Variants in CDH12 observed in about 807,000 individuals in gnomAD.
The protein encoded by CDH12 is cadherin-12.
CDH12 carries 41 observed loss-of-function variants against 74.1 expected under a neutral mutation model. The observed-to-expected ratio is 0.55, with a 90% CI of 0.43 to 0.72. The LOEUF is 0.72. CDH12 is among the 30% of genes least tolerant of loss of function. The pLI is 0.00. For synonymous variants in CDH12, 399 were observed against 355.0 expected, an observed-to-expected ratio of 1.12 and a Z score of -1.39; for missense variants, 945 against 977.2, an observed-to-expected ratio of 0.97 and a Z score of 0.44.
intron 1 of CDH12, among the ~76,000 whole-genome samples, chr5:22,529,520 G>T (rs1737488913): frequency 6.6e-6 from 1 of 152,118 alleles, no homozygotes. Flanking sequence ...GGGAGAGTCA[G>T]CCTTTTGGTT....
intron 2 of CDH12, among the ~76,000 whole-genome samples, chr5:22,482,324 C>T (rs1222253526): frequency 2.0e-5 from 3 of 152,074 alleles, no homozygotes; most frequent in Non-Finnish European, 4.4e-5. Flanking sequence ...TATAAAGGAC[C>T]TCACAGCATG....
At chr5:22,466,289 T>G (rs1429215312) in intron 2 of CDH12, among the ~76,000 whole-genome samples, 18 of 152,216 alleles carry the variant, frequency 1.2e-4, no homozygotes, top group Admixed American at 1.2e-3. Flanking sequence ...TGTTTGTTTG[T>G]TTTTTGTTTG....
intron 3 of CDH12, among the ~76,000 whole-genome samples, chr5:22,310,539 TA>T (rs1227439560): frequency 6.6e-6 from 1 of 152,052 alleles, no homozygotes; most frequent in Non-Finnish European, 1.5e-5. Context: ...CCAAAACTCT[TA>T]TATCTAATTT....
chr5:21,804,646 ACACAC>A lies in CDH12; in HGVS notation c.1003-2231_1003-2227del, dbSNP rs1747330522. On this transcript the variant is annotated intron_variant, in intron 9 of 14. Transcript: ENST00000382254. ...AAATCATTCTATAGTGAATTAAAAC[ACACAC>A]ACACACACACACACACACACACACA... 7.4e-3 allele frequency among the ~76,000 whole-genome samples: 675 copies of A among 91,372 alleles called. 9 individuals carry two copies. The highest frequency in any genetic ancestry group is 0.054 in the East Asian group (131 of 2,406). 59.9% of individuals were successfully genotyped at this position (91,372 alleles called of 152,430 possible).
In CDH12 at chr5:22,173,248, T is replaced by C. The variant is rs1749137670; in HGVS notation, c.-187+39250A>G. ...ATATATATGATTTGTTATATAATTATATAATTTATATAATTTAAATTTTAT... is the reference window on the plus strand; with the variant it reads ...ATATATATGATTTGTTATATAATTACATAATTTATATAATTTAAATTTTAT... On this transcript the variant is annotated intron_variant, in intron 4 of 14. Coordinates refer to ENST00000382254, the MANE Select transcript of CDH12 (RefSeq NM_004061.5). Among the ~76,000 whole-genome samples, 4 of 147,070 alleles carry C rather than the reference T, an allele frequency of 2.7e-5. No individual in the cohort carries two copies. In the South Asian group the frequency reaches 8.3e-4, roughly 31 times the overall value.
At chr5:21,854,474 G>A (rs958581963) in intron 7 of CDH12, among the ~76,000 whole-genome samples, 197 bp downstream of exon 7, 1 of 151,742 alleles carries the variant, frequency 6.6e-6, no homozygotes, top group Non-Finnish European at 1.5e-5. Flanking sequence ...TATGTTAAAA[G>A]GTTTATTTTA....
At chr5:21,752,835 G>T (rs1744176402) in intron 14 of CDH12, among the ~76,000 whole-genome samples, 1 of 151,802 alleles carries the variant, frequency 6.6e-6, no homozygotes, top group Admixed American at 6.6e-5. Flanking sequence ...AAGGAAGGAA[G>T]GAAGATGTTA....
chr5:22,299,766 C>T (rs912974217), intron 3 of CDH12, among the ~76,000 whole-genome samples: 1 of 151,960 alleles, frequency 6.6e-6, no homozygotes, highest in Non-Finnish European at 1.5e-5. Flanking sequence ...GTCAATTTGT[C>T]TTTTGTTGTT....
intron 1 of CDH12, among the ~76,000 whole-genome samples, chr5:22,669,635 G>A (rs1229475141): frequency 6.6e-6 from 1 of 152,158 alleles, no homozygotes; most frequent in Non-Finnish European, 1.5e-5. Flanking sequence ...TTTGTCATTT[G>A]TCCCTTGTAT....
intron 11 of CDH12, chr5:21,774,370 A>G (rs1340342628): frequency 6.6e-6 from 1 of 152,142 alleles, no homozygotes; most frequent in African/African-American, 2.4e-5. Flanking sequence ...CCAGTGATTT[A>G]CCAGGGACTC....
At chr5:22,819,595 T>C (rs1379146280) in intron 1 of CDH12, among the ~76,000 whole-genome samples, 2 of 151,820 alleles carry the variant, frequency 1.3e-5, no homozygotes, top group African/African-American at 4.8e-5. Context: ...TGTTGAAAGA[T>C]ATACAAGATC....
rs557950644 is a variant in CDH12, at chr5:22,009,129, C to T, written c.232-33744G>A. ...TGTACTTCTAATGCCATCAAGAGAACATGATGCAAGAAGCTGAGGCGACTA... is the reference window on the plus strand; with the variant it reads ...TGTACTTCTAATGCCATCAAGAGAATATGATGCAAGAAGCTGAGGCGACTA... On this transcript the variant is annotated intron_variant, in intron 5 of 14. Transcript: ENST00000382254. Among the ~76,000 whole-genome samples the T allele has an allele frequency of 8.5e-5, 13 of 152,312 alleles. No homozygotes were observed. In the South Asian group the frequency reaches 2.3e-3, roughly 27 times the overall value.
At chr5:22,693,291 T>C (rs1401591731) in intron 1 of CDH12, among the ~76,000 whole-genome samples, 2 of 152,216 alleles carry the variant, frequency 1.3e-5, no homozygotes, top group Non-Finnish European at 2.9e-5. Context: ...GCAAGCCATA[T>C]GCAGTGCTAA....
intron 10 of CDH12, among the ~76,000 whole-genome samples, chr5:21,786,304 C>T (rs959455025): frequency 6.6e-6 from 1 of 152,140 alleles, no homozygotes; most frequent in African/African-American, 2.4e-5. Flanking sequence ...CAGGTGCATG[C>T]CACTACGCCT....
intron 1 of CDH12, among the ~76,000 whole-genome samples, chr5:22,619,036 T>G (rs555380061): frequency 6.6e-6 from 1 of 152,238 alleles, no homozygotes; most frequent in Non-Finnish European, 1.5e-5. Context: ...TTACCCAGTC[T>G]CAAGTATGTC....
chr5:22,825,586 A>G (rs1008919473), intron 1 of CDH12, among the ~76,000 whole-genome samples: 1 of 152,212 alleles, frequency 6.6e-6, no homozygotes, highest in African/African-American at 2.4e-5. Context: ...GTGAGTAAGT[A>G]AAAACATGGA....
intron 4 of CDH12, among the ~76,000 whole-genome samples, chr5:22,125,324 C>T (rs1745789131): frequency 6.6e-6 from 1 of 152,102 alleles, no homozygotes; most frequent in African/African-American, 2.4e-5. Context: ...TTTGTTCTCA[C>T]TGTTCAGCTC....
intron 6 of CDH12, among the ~76,000 whole-genome samples, chr5:21,874,138 G>A (rs1751800944): frequency 6.6e-6 from 1 of 152,076 alleles, no homozygotes; most frequent in South Asian, 2.1e-4. Flanking sequence ...GGATTGCTGG[G>A]TCAGAATCTA....
chr5:22,282,223 AC>A (rs1736920282), intron 3 of CDH12, among the ~76,000 whole-genome samples: 1 of 152,186 alleles, frequency 6.6e-6, no homozygotes, highest in Non-Finnish European at 1.5e-5. Flanking sequence ...CCTTTCTTAA[AC>A]CTTATAAAAA....
Sources: gnomAD v4.1 joint callset for allele counts (sites outside exome capture counted in the v4.1 genomes callset) on GRCh38, gnomAD v4.1.1 for gene constraint, MANE v1.5 for transcripts, NCBI Gene and HGNC (gene_info 2026-07-23, HGNC 2026-07-21) for gene names.